JAK2: variants seen among roughly 807,000 people sequenced by gnomAD.
The protein encoded by JAK2 is tyrosine-protein kinase JAK2.
In JAK2, 86 loss-of-function variants were observed where a neutral mutation model predicts 139.3. The observed-to-expected ratio is 0.62, with a 90% CI of 0.52 to 0.74. The LOEUF (loss-of-function observed/expected upper bound fraction) is 0.74, where lower values mean the gene tolerates loss of function less well. JAK2 is among the 30% of genes least tolerant of loss of function. The pLI, the probability that JAK2 is intolerant of heterozygous loss-of-function variation, is 0.00. For missense variants in JAK2, 1,421 were observed against 1,360.3 expected, an observed-to-expected ratio of 1.04 and a Z score of -0.70; for synonymous variants, 490 against 437.7, an observed-to-expected ratio of 1.12 and a Z score of -1.49.
intron 2 of JAK2, among the ~76,000 whole-genome samples, chr9:5,005,849 C>T (rs1821263870): frequency 6.6e-6 from 1 of 152,146 alleles, no homozygotes; most frequent in African/African-American, 2.4e-5. Flanking sequence ...TTCCATTGAT[C>T]TATATCTCTG....
rs187285929 is a variant in JAK2 at position 5,008,045 on chromosome 9, T to C, written c.-25-13918T>C. 3.6e-3 allele frequency among the ~76,000 whole-genome samples: 555 copies of C among 152,284 alleles called. 3 individuals are homozygous for C. Among genetic ancestry groups the C allele is most frequent in the Middle Eastern group, 0.017 (5 of 294 alleles). On this transcript the variant is annotated intron_variant, in intron 2 of 24. Coordinates refer to ENST00000381652, the MANE Select transcript of JAK2 (RefSeq NM_004972.4). ...CGCCTGGCCCTAATAATGAGAATTC[T>C]TATCAAACTGTTTACACAGAATAAC...
intron 4 of JAK2, chr9:5,042,073 C>G (rs1163298684): frequency 1.8e-5 from 4 of 226,840 alleles, no homozygotes; most frequent in African/African-American, 9.5e-5. Context: ...GCCGGCGGCC[C>G]CATCCCCGGG....
intron 8 of JAK2, among the ~76,000 whole-genome samples, chr9:5,061,694 T>C (rs1298621581): frequency 1.3e-5 from 2 of 152,250 alleles, no homozygotes; most frequent in Non-Finnish European, 2.9e-5. Flanking sequence ...TCTTATAATT[T>C]ATGTGCTCAC....
chr9:5,017,661 C>T (rs1472875479), intron 2 of JAK2, among the ~76,000 whole-genome samples: 2 of 152,078 alleles, frequency 1.3e-5, no homozygotes, highest in East Asian at 3.8e-4. Flanking sequence ...GCATTTAATA[C>T]TGACTATAAT....
At chr9:5,011,662 C>A (rs1368627634) in intron 2 of JAK2, among the ~76,000 whole-genome samples, 1 of 151,944 alleles carries the variant, frequency 6.6e-6, no homozygotes, top group African/African-American at 2.4e-5. Flanking sequence ...TTCTTCTTTT[C>A]ATGTTTAATA....
At chr9:5,050,029 T>G (rs369934312) in intron 5 of JAK2, among the ~76,000 whole-genome samples, 6 of 152,214 alleles carry the variant, frequency 3.9e-5, no homozygotes, top group African/African-American at 1.4e-4. Flanking sequence ...ACATGGCTAT[T>G]TCTTTGTATC....
chr9:5,116,386 G>A (rs969863162), intron 22 of JAK2, among the ~76,000 whole-genome samples: 7 of 152,116 alleles, frequency 4.6e-5, no homozygotes, highest in African/African-American at 1.4e-4. Flanking sequence ...TACTTTTTGA[G>A]GAAATGTCGT....
intron 22 of JAK2, among the ~76,000 whole-genome samples, chr9:5,115,619 T>C (rs1377208899): frequency 2.0e-5 from 3 of 152,270 alleles, no homozygotes; most frequent in Admixed American, 6.5e-5. Context: ...CATGTATGTT[T>C]ATTGTGGCAC....
chr9:5,077,337 T>G, intron 14 of JAK2, 116 bp from the exon 15 acceptor site: 1 of 364,238 alleles, frequency 2.7e-6, no homozygotes, highest in Non-Finnish European at 4.7e-6. Context: ...TTGTGAGTTT[T>G]GCCAATTTAA....
chr9:5,057,725 G>T (rs1425042350), intron 8 of JAK2, among the ~76,000 whole-genome samples: 1 of 151,808 alleles, frequency 6.6e-6, no homozygotes, highest in East Asian at 1.9e-4. Flanking sequence ...GGGATTACAG[G>T]TGCACGCCAC....
At chr9:5,005,449 A>C (rs931648862) in intron 2 of JAK2, among the ~76,000 whole-genome samples, 18 of 152,026 alleles carry the variant, frequency 1.2e-4, no homozygotes, top group African/African-American at 4.3e-4. Context: ...TGCTGTGTAC[A>C]AGTTTTTAAA....
At chr9:5,043,199 T>A (rs886299792) in intron 4 of JAK2, among the ~76,000 whole-genome samples, 2 of 152,188 alleles carry the variant, frequency 1.3e-5, no homozygotes, top group Non-Finnish European at 2.9e-5. Flanking sequence ...CGGGTCAGCT[T>A]GAGGCAGTGC....
intron 4 of JAK2, among the ~76,000 whole-genome samples, chr9:5,039,462 T>C (rs1816324224): frequency 6.6e-6 from 1 of 152,176 alleles, no homozygotes; most frequent in African/African-American, 2.4e-5. Flanking sequence ...ATACTATGCC[T>C]TTGTATATCA....
chr9:5,034,193 G>A (rs1285447328), intron 4 of JAK2, among the ~76,000 whole-genome samples: 3 of 152,128 alleles, frequency 2.0e-5, no homozygotes, highest in East Asian at 1.9e-4. Flanking sequence ...AGAGCTAACT[G>A]TCCTAAATAT....
chr9:5,023,572 C>T (rs1418556488), intron 3 of JAK2, among the ~76,000 whole-genome samples: 4 of 152,156 alleles, frequency 2.6e-5, no homozygotes, highest in Non-Finnish European at 5.9e-5. Flanking sequence ...TCCAGGGGTT[C>T]ACAGTAGGAA....
At position 5,123,666 on chromosome 9, in the gene JAK2, C is replaced by G. The variant is rs1299340625; in HGVS notation, c.3177+545C>G. On this transcript the variant is annotated intron_variant, in intron 23 of 24. Transcript: ENST00000381652. ...ATTTCTTGTCCTTTAGGTAGATACCCCATAGTGGGAATGCTGGATCGAATG... is the reference window on the plus strand; with the variant it reads ...ATTTCTTGTCCTTTAGGTAGATACCGCATAGTGGGAATGCTGGATCGAATG... 5.3e-5 allele frequency among the ~76,000 whole-genome samples: 8 copies of G among 151,970 alleles called. No homozygotes were observed. In the East Asian group the frequency reaches 1.5e-3, roughly 29 times the overall value.
intron 5 of JAK2, among the ~76,000 whole-genome samples, chr9:5,050,424 C>G (rs1817333566): frequency 6.6e-6 from 1 of 152,096 alleles, no homozygotes; most frequent in Admixed American, 6.6e-5. Flanking sequence ...GTATGTGCCA[C>G]CATGCCTGGA....
Position 5,070,029 on chromosome 9 carries a change from A to C in JAK2, c.1618A>C (p.Ile540Leu). ...THMNQMVFHK[I>L]RNEDLIFNES... is the part of the protein sequence containing the mutation. ...TATGAACCAAATGGTGTTTCACAAA[A>C]TCAGAAATGAAGATTTGATATTTGT... is the stretch of plus-strand genomic sequence containing the variant. Residue 540 changes from isoleucine to leucine, a missense_variant, in exon 12 of 25, where the codon ATC (isoleucine) becomes CTC (leucine). Coordinates refer to ENST00000381652, the MANE Select transcript of JAK2 (RefSeq NM_004972.4). The C allele has an allele frequency of 6.2e-7, 1 of 1,606,580 alleles. No individual in the cohort carries two copies. Among genetic ancestry groups the C allele is most frequent in the Non-Finnish European group, 8.5e-7 (1 of 1,175,644 alleles).
chr9:4,992,196 G>A (rs984265844), intron 2 of JAK2, among the ~76,000 whole-genome samples: 1 of 152,194 alleles, frequency 6.6e-6, no homozygotes, highest in African/African-American at 2.4e-5. Context: ...TCTTGACTGG[G>A]ATGTTAGCTG....
Sources: gnomAD v4.1 joint callset for allele counts (sites outside exome capture counted in the v4.1 genomes callset) on GRCh38, gnomAD v4.1.1 for gene constraint, MANE v1.5 for transcripts, NCBI Gene and HGNC (gene_info 2026-07-23, HGNC 2026-07-21) for gene names.